The following OVCH1 variants were observed in gnomAD, a reference collection of about 807,000 sequenced individuals.
The protein encoded by OVCH1 is ovochymase-1.
A neutral mutation model predicts 138.4 loss-of-function variants in OVCH1; 139 were observed. The ratio of observed to expected loss-of-function variants is 1.00; its 90% confidence interval spans 0.87 to 1.16. The LOEUF (loss-of-function observed/expected upper bound fraction) is 1.16. Ranked by LOEUF, OVCH1 falls within the 50% of genes most tolerant of loss-of-function variation. The pLI is 0.00. For missense variants in OVCH1, 1,367 were observed against 1,357.9 expected, an observed-to-expected ratio of 1.01 and a Z score of -0.11; for synonymous variants, 453 against 467.8, an observed-to-expected ratio of 0.97 and a Z score of 0.41.
At chr12:29,404,873 T>A in the OVCH1 span, among the ~76,000 whole-genome samples, 1 of 151,428 alleles carries the variant, frequency 6.6e-6, no homozygotes. Context: ...ATGCAAAAAA[T>A]TAGCTGGGTG....
chr12:29,420,910 G>A (rs1040567348), intron 3 of OVCH1, among the ~76,000 whole-genome samples: 1 of 152,224 alleles, frequency 6.6e-6, no homozygotes, highest in African/African-American at 2.4e-5. Context: ...GATTTGCAAG[G>A]TGAAGACTAT....
At chr12:29,476,119 C>A in intron 13 of OVCH1, 87 bp downstream of exon 13, 1 of 1,046,372 alleles carries the variant, frequency 9.6e-7, no homozygotes, top group Non-Finnish European at 1.5e-6. Flanking sequence ...TCCCACTCTA[C>A]GTTCTGGTAC....
At position 29,486,170 on chromosome 12, in the gene OVCH1, T is replaced by C. The variant is rs564340804; in HGVS notation, c.995+76A>G. 3.0e-5 allele frequency: 39 copies of C among 1,295,134 alleles called. No individual in the cohort carries two copies. The African/African-American group carries it at 4.9e-4, about 16-fold the overall frequency. 80.2% of individuals were successfully genotyped at this position (1,295,134 alleles called of 1,614,324 possible). A position where few individuals can be genotyped will look rare whatever the true frequency, so the allele number is the denominator to read the frequency against. ...ATTTAAATAAAACTCAGATTGTGAA[T>C]ATGGTACAATCCTCCTGTTTGCTTT... is the stretch of plus-strand genomic sequence containing the variant. On this transcript the variant is annotated intron_variant, in intron 8 of 27. Coordinates refer to ENST00000318184, the Ensembl canonical transcript of OVCH1.
chr12:29,431,491 G>A (rs1192443562), intron 27 of OVCH1, among the ~76,000 whole-genome samples: 3 of 151,982 alleles, frequency 2.0e-5, no homozygotes, highest in South Asian at 4.1e-4. Context: ...ATGTTTTAAT[G>A]TAAATCTTGC....
At chr12:29,447,866 G>GTGAAGTGCCT (rs1160542738) in intron 22 of OVCH1, among the ~76,000 whole-genome samples, 1 of 151,998 alleles carries the variant, frequency 6.6e-6, no homozygotes, top group African/African-American at 2.4e-5. Context: ...TCATTTATTT[G>GTGAAGTGCCT]TGAAGTGCCT....
intron 25 of OVCH1, chr12:29,439,477 A>C: frequency 6.8e-7 from 1 of 1,462,582 alleles, no homozygotes. Flanking sequence ...CAAACAAAAA[A>C]CAAAAAGCAA....
At chr12:29,411,871 C>T (rs533123334), downstream of OVCH1, among the ~76,000 whole-genome samples, 87 of 118,418 alleles carry the variant, frequency 7.3e-4, no homozygotes, top group African/African-American at 1.9e-3. Flanking sequence ...GCAGAGGTTA[C>T]TGCTGTCTTT....
rs149123597 is a variant in OVCH1 at position 29,477,496 on chromosome 12, A to C, written c.1114-23T>G. ...GACCTTACCTTAAAAGAAGAGAAGG[A>C]AAGTGAAATAACATTACTAAAAAGT... On this transcript the variant is annotated intron_variant, in intron 10 of 27. Coordinates refer to ENST00000318184, the Ensembl canonical transcript of OVCH1. 2 of 1,613,854 alleles carry C rather than the reference A, an allele frequency of 1.2e-6. No homozygotes were observed.
chr12:29,490,359 CG>C (rs1943241689), intron 5 of OVCH1, among the ~76,000 whole-genome samples: 2 of 152,106 alleles, frequency 1.3e-5, no homozygotes, highest in African/African-American at 4.8e-5. Flanking sequence ...AGATTACAGG[CG>C]TGAGCCACTG....
At chr12:29,455,186 C>A in intron 20 of OVCH1, 63 bp downstream of exon 20, 1 of 1,539,430 alleles carries the variant, frequency 6.5e-7, no homozygotes, top group Non-Finnish European at 8.8e-7. Flanking sequence ...ACCACACTCA[C>A]TGTTCCCAAA....
chr12:29,478,892 G>T, exon 9 of OVCH1: 1 of 1,583,572 alleles, frequency 6.3e-7, no homozygotes, highest in Non-Finnish European at 8.6e-7. Context: ...CATCCAACTT[G>T]CTTTTCCATG....
intron 8 of OVCH1, among the ~76,000 whole-genome samples, 87 bp from the exon 9 acceptor site, chr12:29,484,887 G>A (rs571725671): frequency 9.2e-5 from 14 of 152,168 alleles, no homozygotes; most frequent in African/African-American, 3.1e-4. Context: ...GAAGCTGTAC[G>A]ATTTATATTA....
chr12:29,478,027 C>T (rs994803291), intron 9 of OVCH1, among the ~76,000 whole-genome samples: 8 of 152,164 alleles, frequency 5.3e-5, no homozygotes, highest in Admixed American at 3.3e-4. Context: ...TTGTCTATAA[C>T]TTCCTGTCAA....
At chr12:29,457,359 C>T (rs913358531) in intron 19 of OVCH1, among the ~76,000 whole-genome samples, 11 of 149,348 alleles carry the variant, frequency 7.4e-5, no homozygotes, top group Non-Finnish European at 1.5e-4. Flanking sequence ...ATGGTCCAGT[C>T]CATAGTAAAT....
At chr12:29,406,225 T>C in the OVCH1 span, among the ~76,000 whole-genome samples, 6 of 152,210 alleles carry the variant, frequency 3.9e-5, no homozygotes, top group African/African-American at 1.4e-4. Context: ...TATTCTTCAA[T>C]ACATGTTTTT....
At chr12:29,456,091 A>G (rs189278994) in intron 19 of OVCH1, among the ~76,000 whole-genome samples, 2 of 152,342 alleles carry the variant, frequency 1.3e-5, no homozygotes. Context: ...AAAGTTGCAC[A>G]ATTTCAAAGA....
chr12:29,420,387 CAT>C (rs775270882), intron 3 of OVCH1, among the ~76,000 whole-genome samples: 1 of 150,468 alleles, frequency 6.6e-6, no homozygotes, highest in Admixed American at 6.6e-5. Flanking sequence ...CTGATGCACA[CAT>C]GTTAAGACAT....
the OVCH1 span, among the ~76,000 whole-genome samples, chr12:29,405,899 T>C: frequency 1.3e-5 from 2 of 152,344 alleles, no homozygotes; most frequent in South Asian, 4.1e-4. Flanking sequence ...TGATTTACTC[T>C]AGTCTATTGG....
the OVCH1 span, among the ~76,000 whole-genome samples, chr12:29,405,982 T>G: frequency 3.9e-5 from 6 of 152,234 alleles, no homozygotes; most frequent in African/African-American, 1.4e-4. Context: ...GACCTTCACA[T>G]GGGCTAGTTA....
Sources: gnomAD v4.1 joint callset for allele counts (sites outside exome capture counted in the v4.1 genomes callset) on GRCh38, gnomAD v4.1.1 for gene constraint, MANE v1.5 for transcripts, NCBI Gene and HGNC (gene_info 2026-07-23, HGNC 2026-07-21) for gene names.